Variants in KCNK12 observed in about 807,000 individuals in gnomAD.
KCNK12 encodes potassium two pore domain channel subfamily K member 12.
In KCNK12, 6 loss-of-function variants were observed where a neutral mutation model predicts 25.3. The ratio of observed to expected loss-of-function variants is 0.24; its 90% CI spans 0.13 to 0.47. The LOEUF (loss-of-function observed/expected upper bound fraction) is 0.47. Among genes scored for constraint, KCNK12 ranks in the 20% least tolerant of loss-of-function variants. KCNK12 has a pLI of 0.99. For missense variants in KCNK12, 444 were observed against 661.7 expected (o/e 0.67, Z 3.61); for synonymous variants, 331 against 311.1 (o/e 1.06, Z -0.67).
intron 1 of KCNK12, among the ~76,000 whole-genome samples, chr2:47,549,048 A>G (rs1157313867): frequency 1.3e-5 from 2 of 152,208 alleles, no homozygotes; most frequent in African/African-American, 2.4e-5. Context: ...GGTAAAACCT[A>G]GAAAAAAATA....
chr2:47,531,571 G>A (rs999597203), intron 1 of KCNK12, among the ~76,000 whole-genome samples: 1 of 152,206 alleles, frequency 6.6e-6, no homozygotes, highest in Non-Finnish European at 1.5e-5. Context: ...GCAGTGCCCA[G>A]GGCCACTGGG....
chr2:47,536,579 G>C (rs1669073848), intron 1 of KCNK12, among the ~76,000 whole-genome samples: 1 of 152,200 alleles, frequency 6.6e-6, no homozygotes, highest in Non-Finnish European at 1.5e-5. Context: ...AGACTATGGT[G>C]AATAAGATTG....
chr2:47,535,109 C>T (rs192742069), intron 1 of KCNK12: 199 of 231,330 alleles, frequency 8.6e-4, no homozygotes, highest in African/African-American at 4.0e-3. Flanking sequence ...GGCCCGGCTC[C>T]CTCAAACTGA....
At chr2:47,563,157 T>C (rs1210066688) in intron 1 of KCNK12, 2 of 233,128 alleles carry the variant, frequency 8.6e-6, no homozygotes, top group African/African-American at 4.4e-5. Context: ...ACCACCACCA[T>C]CTCCAGATCA....
intron 1 of KCNK12, among the ~76,000 whole-genome samples, chr2:47,534,515 AC>A (rs34901455): frequency 0.064 from 3,096 of 48,120 alleles, 96 homozygotes; most frequent in Middle Eastern, 0.098. Context: ...GCCCCTTCTA[AC>A]CCCCCCCCCC....
intron 1 of KCNK12, among the ~76,000 whole-genome samples, chr2:47,523,656 T>A (rs1285897972): frequency 6.6e-6 from 1 of 152,326 alleles, no homozygotes; most frequent in East Asian, 1.9e-4. Context: ...CAGTGCTGGC[T>A]GTGGTCTGTG....
At chr2:47,536,822 G>A (rs1215271771) in intron 1 of KCNK12, among the ~76,000 whole-genome samples, 1 of 152,230 alleles carries the variant, frequency 6.6e-6, no homozygotes, top group Non-Finnish European at 1.5e-5. Context: ...GTACTTCTAT[G>A]ACTGGGCATC....
chr2:47,512,675 A>C lies in KCNK12; in HGVS notation c.*8232T>G, dbSNP rs992808318. ...GCCCTTGTACACCCACTGCCTCTGAACTCTGCTCTGCATTGCTGAGCAAAC... is the reference window on the plus strand; with the variant it reads ...GCCCTTGTACACCCACTGCCTCTGACCTCTGCTCTGCATTGCTGAGCAAAC... On this transcript the variant is annotated 3_prime_UTR_variant, in exon 2 of 2. Transcript: ENST00000327876. 4.9e-5 allele frequency: 23 copies of C among 473,308 alleles called. No individual in the cohort carries two copies. Among genetic ancestry groups the C allele is most frequent in the Non-Finnish European group, 8.3e-5 (22 of 266,568 alleles). 29.3% of individuals were successfully genotyped at this position (473,308 alleles called of 1,614,324 possible).
chr2:47,550,132 T>C (rs1344443959), intron 1 of KCNK12, among the ~76,000 whole-genome samples: 2 of 152,126 alleles, frequency 1.3e-5, no homozygotes, highest in East Asian at 3.9e-4. Context: ...GACTAACATA[T>C]GTGCAGTTGG....
chr2:47,519,397 T>C lies in KCNK12; in HGVS notation c.*1510A>G. On this transcript the variant is annotated 3_prime_UTR_variant, in exon 2 of 2. Coordinates refer to ENST00000327876, the MANE Select transcript of KCNK12 (RefSeq NM_022055.2). ...TGGAGGCGGTGAGGCGGTGCTTTTC[T>C]AAGACTTCCTATCAGAAGCTGTGCA... 1 of 152,236 alleles carries C rather than the reference T, an allele frequency of 6.6e-6. No individual in the cohort carries two copies. The highest frequency in any genetic ancestry group is 1.9e-4 in the East Asian group (1 of 5,192). The allele number at this position is 152,236 out of a possible 1,614,324, so 9.4% of individuals were successfully genotyped here. A position where few individuals can be genotyped will look rare whatever the true frequency, so the allele number is the denominator to read the frequency against.
intron 1 of KCNK12, chr2:47,567,249 A>G (rs889282238): frequency 1.3e-5 from 2 of 152,232 alleles, no homozygotes; most frequent in Non-Finnish European, 2.9e-5. Flanking sequence ...ATACTCACTC[A>G]TCAAATAAAA....
At position 47,520,776 on chromosome 2, in the gene KCNK12, T is replaced by A. The variant is rs1310169434; in HGVS notation, c.*131A>T. 1 of 663,918 alleles carries A rather than the reference T, an allele frequency of 1.5e-6. No individual in the cohort carries two copies. Among genetic ancestry groups the A allele is most frequent in the African/African-American group, 1.9e-5 (1 of 53,634 alleles). 41.1% of individuals were successfully genotyped at this position (663,918 alleles called of 1,614,324 possible). ...TCAGGCCTGGCCAAATAGTATTTCT[T>A]TAAAAAAATTTTTTTTGTTTCATTT... On this transcript the variant is annotated 3_prime_UTR_variant, in exon 2 of 2. Transcript: ENST00000327876. This position sits in a 1 kb window ranked among gnomAD's most constrained non-coding sequence, Gnocchi z 5.0.
intron 1 of KCNK12, chr2:47,527,882 G>C (rs1668823082): frequency 6.6e-6 from 1 of 152,252 alleles, no homozygotes; most frequent in African/African-American, 2.4e-5. Flanking sequence ...TATCATGCAA[G>C]GCTCAGAAAT....
rs144754730 is a variant in KCNK12, at chr2:47,514,307, G to A, written c.*6600C>T. Among the ~76,000 whole-genome samples the A allele has an allele frequency of 4.6e-3, 699 of 152,354 alleles. 3 individuals carry two copies. The highest frequency in any genetic ancestry group is 0.014 in the African/African-American group (601 of 41,570). On this transcript the variant is annotated 3_prime_UTR_variant, in exon 2 of 2. Transcript: ENST00000327876. This position sits in a 1 kb window ranked among gnomAD's most constrained non-coding sequence, Gnocchi z 5.0. ...GGCAGCCCAGAATGCCTGGTGGACA[G>A]GGAGCCCTCAGCAGGCCGTACTGCA...
At position 47,562,127 on chromosome 2, in the gene KCNK12, CATGA is replaced by C; in HGVS notation, c.391+7810_391+7813del. The stretch of plus-strand genomic sequence containing the variant: ...ATCAGCATAGGCATTGCCAGGAGCT[CATGA>C]GGAATGCAGACTGTCAGGTCCCACC... On this transcript the variant is annotated intron_variant, in intron 1 of 1. Coordinates refer to ENST00000327876, the MANE Select transcript of KCNK12 (RefSeq NM_022055.2). This position sits in a 1 kb window ranked among gnomAD's most constrained non-coding sequence, Gnocchi z 4.8. 2 of 398,660 alleles carry C rather than the reference CATGA, an allele frequency of 5.0e-6. No individual in the cohort carries two copies. Among genetic ancestry groups the C allele is most frequent in the Non-Finnish European group, 8.8e-6 (2 of 226,096 alleles). 24.7% of individuals were successfully genotyped at this position (398,660 alleles called of 1,614,324 possible). A position where few individuals can be genotyped will look rare whatever the true frequency, so the allele number is the denominator to read the frequency against.
rs114715748 is a variant in KCNK12, at chr2:47,535,891, G to A, written c.392-14083C>T. ...CAGACCCTGTGCGATAGAAGGAGAT[G>A]GAAGCTGAGGTTCAGAGACGTTAAT... On this transcript the variant is annotated intron_variant, in intron 1 of 1. Transcript: ENST00000327876. Among the ~76,000 whole-genome samples the A allele has an allele frequency of 5.3e-3, 807 of 152,300 alleles. 9 individuals are homozygous for A. The highest frequency in any genetic ancestry group is 0.019 in the African/African-American group (769 of 41,544).
rs1668639782 is a variant in KCNK12, at chr2:47,520,978, C to T, written c.1222G>A (p.Gly408Ser). 3 of 1,321,238 alleles carry T rather than the reference C, an allele frequency of 2.3e-6. No homozygotes were observed. Among genetic ancestry groups the T allele is most frequent in the East Asian group, 3.1e-5 (1 of 32,082 alleles). 81.8% of individuals were successfully genotyped at this position (1,321,238 alleles called of 1,614,324 possible). ...RSVCVNTRQNGFSGGVGALGI... is the reference protein window; with the variant it reads ...RSVCVNTRQNSFSGGVGALGI... ...AGCGCGCCCACGCCGCCCGAGAAGC[C>T]GTTCTGGCGCGTGTTGACGCACACG... Residue 408 changes from glycine (G) to serine (S), a missense_variant, in exon 2 of 2, where the codon GGC becomes AGC. Gly to Ser is a moderately conservative substitution (Grantham distance 56). Around this residue, in one of 8 missense-constraint regions of KCNK12, gnomAD observed 57 missense variants for 68.9 expected, o/e 0.83. Coordinates refer to ENST00000327876, the MANE Select transcript of KCNK12 (RefSeq NM_022055.2). This position sits in a 1 kb window ranked among gnomAD's most constrained non-coding sequence, Gnocchi z 5.0.
At chr2:47,537,152 A>G (rs1267362467) in intron 1 of KCNK12, among the ~76,000 whole-genome samples, 3 of 152,158 alleles carry the variant, frequency 2.0e-5, no homozygotes, top group African/African-American at 7.2e-5. Flanking sequence ...TCTTTCTCAA[A>G]ATGCTGCTGT....
intron 1 of KCNK12, among the ~76,000 whole-genome samples, chr2:47,543,982 TC>T (rs1258142568): frequency 6.6e-6 from 1 of 152,170 alleles, no homozygotes; most frequent in Non-Finnish European, 1.5e-5. Flanking sequence ...AAGCAGGGAC[TC>T]CCAGATGTGG....
Sources: allele counts gnomAD v4.1 joint callset (sites outside exome capture counted in the v4.1 genomes callset), GRCh38; gene constraint gnomAD v4.1.1; regional missense constraint gnomAD v4.1.1; non-coding constraint Gnocchi (gnomAD v3.1); transcripts MANE v1.5; gene names NCBI Gene and HGNC (gene_info 2026-07-23, HGNC 2026-07-21).